Variants in EYS observed in about 807,000 individuals in gnomAD.
EYS encodes protein eyes shut homolog.
In EYS, 250 loss-of-function variants were observed where a neutral mutation model predicts 282.1. The ratio of observed to expected loss-of-function variants is 0.89; its 90% CI spans 0.80 to 0.98. EYS has a LOEUF of 0.98. Among genes scored for constraint, EYS ranks in the 50% least tolerant of loss-of-function variants. The pLI is 0.00. For synonymous variants in EYS, 1,355 were observed against 1,282.9 expected, an observed-to-expected ratio of 1.06 and a Z score of -1.20; for missense variants, 4,016 against 3,709.0, an observed-to-expected ratio of 1.08 and a Z score of -2.15.
rs1051422768 is a variant in EYS at position 64,590,987 on chromosome 6, G to A, written c.4880C>T (p.Pro1627Leu). The A allele has an allele frequency of 3.9e-6, 6 of 1,551,144 alleles. No individual in the cohort carries two copies. In the African/African-American group the frequency reaches 8.2e-5, roughly 21 times the overall value. Residue 1627 changes from proline (P) to leucine (L), a missense_variant, in exon 26 of 43, where the codon CCA becomes CTA. Pro to Leu is a moderately conservative substitution (Grantham distance 98). Coordinates refer to ENST00000503581, the MANE Select transcript of EYS (RefSeq NM_001142800.2). ...ACTCTTTTTAGAAGGAAATAAAGAT[G>A]GCACTTCTGTGAATGCCACTGATGG... is the stretch of plus-strand genomic sequence containing the variant. ...ITPSVAFTEV[P>L]SLFPSKKSAK... is the part of the protein sequence containing the mutation.
chr6:64,453,126 C>A (rs1775421869), intron 26 of EYS, among the ~76,000 whole-genome samples: 1 of 152,104 alleles, frequency 6.6e-6, no homozygotes, highest in Non-Finnish European at 1.5e-5. Flanking sequence ...GGGCTAATAT[C>A]CAGAATCTGC....
At chr6:64,072,973 T>C (rs1771644338) in intron 32 of EYS, among the ~76,000 whole-genome samples, 1 of 151,906 alleles carries the variant, frequency 6.6e-6, no homozygotes, top group Non-Finnish European at 1.5e-5. Context: ...AAGATGTATG[T>C]AGTACTATGC....
intron 13 of EYS, among the ~76,000 whole-genome samples, chr6:65,022,133 C>T (rs546762611): frequency 2.3e-4 from 35 of 152,296 alleles, no homozygotes; most frequent in East Asian, 2.1e-3. Context: ...AGCTGCCTAG[C>T]GTCTATCCAT....
chr6:64,132,723 A>G (rs1363768119), intron 31 of EYS, among the ~76,000 whole-genome samples: 1 of 151,842 alleles, frequency 6.6e-6, no homozygotes, highest in African/African-American at 2.4e-5. Flanking sequence ...TATTCAGTAT[A>G]TTCAATACTA....
chr6:63,896,143 C>T (rs1481699688), intron 35 of EYS, among the ~76,000 whole-genome samples: 4 of 152,058 alleles, frequency 2.6e-5, no homozygotes, highest in South Asian at 2.1e-4. Context: ...TTAAATTGTT[C>T]GTATGATTTT....
At chr6:65,576,970 T>C (rs1453063224) in intron 2 of EYS, among the ~76,000 whole-genome samples, 1 of 151,880 alleles carries the variant, frequency 6.6e-6, no homozygotes, top group Non-Finnish European at 1.5e-5. Flanking sequence ...GAATAATTAA[T>C]ATTGTTAAAA....
intron 40 of EYS, among the ~76,000 whole-genome samples, chr6:63,768,178 G>T (rs1248982966): frequency 2.0e-5 from 3 of 151,920 alleles, no homozygotes; most frequent in East Asian, 3.9e-4. Context: ...AAGAATTTAC[G>T]ACTAAGTCCC....
chr6:63,957,527 A>G (rs1185699831), intron 35 of EYS, among the ~76,000 whole-genome samples: 2 of 141,368 alleles, frequency 1.4e-5, no homozygotes, highest in African/African-American at 2.4e-5. Context: ...CTTCTATTAA[A>G]TAATAAAAGC....
intron 21 of EYS, among the ~76,000 whole-genome samples, chr6:64,821,249 G>A (rs1449534564): frequency 6.6e-6 from 1 of 151,960 alleles, no homozygotes; most frequent in Non-Finnish European, 1.5e-5. Context: ...TGTGATATCT[G>A]AATTAATTGA....
chr6:64,696,772 G>C (rs1338729529), intron 22 of EYS, among the ~76,000 whole-genome samples: 1 of 152,138 alleles, frequency 6.6e-6, no homozygotes, highest in Non-Finnish European at 1.5e-5. Context: ...AAGAAATAAT[G>C]TGTTGGGCGA....
chr6:65,251,805 G>T (rs966231511), intron 12 of EYS, among the ~76,000 whole-genome samples: 1 of 151,970 alleles, frequency 6.6e-6, no homozygotes, highest in African/African-American at 2.4e-5. Flanking sequence ...CAAAGAGTGG[G>T]AAAGGAGACT....
intron 33 of EYS, among the ~76,000 whole-genome samples, chr6:64,003,343 T>C (rs1365254795): frequency 6.6e-6 from 1 of 152,130 alleles, no homozygotes; most frequent in East Asian, 1.9e-4. Flanking sequence ...TGTTACTGGG[T>C]ACAAAAATAT....
intron 34 of EYS, among the ~76,000 whole-genome samples, chr6:63,994,702 A>G (rs1337762905): frequency 3.3e-5 from 5 of 151,978 alleles, no homozygotes; most frequent in Non-Finnish European, 7.4e-5. Context: ...CAATTTGTTC[A>G]GCTCTATGAT....
chr6:65,494,759 A>C lies in EYS; in HGVS notation c.652T>G (p.Ser218Ala), dbSNP rs1766179147. The part of the protein sequence containing the change: ...GKYCQELDAC[S>A]FKPCKNNGSC... ...CCATTATTTTTACATGGTTTAAAAGAACATGCATCAAGTTCCTGGCAGTAT... is the reference window on the plus strand; with the variant it reads ...CCATTATTTTTACATGGTTTAAAAGCACATGCATCAAGTTCCTGGCAGTAT... The change falls in exon 4 of 43, where the codon TCT (serine) becomes GCT (alanine). Residue 218 changes from serine (S) to alanine (A), a missense_variant. Coordinates refer to ENST00000503581, the MANE Select transcript of EYS (RefSeq NM_001142800.2). 6.2e-7 allele frequency: 1 copy of C among 1,613,970 alleles called. No individual in the cohort carries two copies. Among genetic ancestry groups the C allele is most frequent in the Non-Finnish European group, 8.5e-7 (1 of 1,179,986 alleles).
At chr6:64,750,028 T>A (rs1280540118) in intron 22 of EYS, among the ~76,000 whole-genome samples, 1 of 152,080 alleles carries the variant, frequency 6.6e-6, no homozygotes, top group Non-Finnish European at 1.5e-5. Context: ...ATTTTGTCAT[T>A]TGGGATTAAT....
At position 63,986,678 on chromosome 6, in the gene EYS, G is replaced by A. The variant is rs770452637; in HGVS notation, c.6835-2075C>T. 3.3e-5 allele frequency among the ~76,000 whole-genome samples: 5 copies of A among 151,744 alleles called. No individual in the cohort carries two copies. The South Asian group carries it at 8.3e-4, about 25-fold the overall frequency. ...ATCCTCAGCAAACTAATGAAGGATCGGAAAACCAAATGCAGCATGATTCTC... is the reference window on the plus strand; with the variant it reads ...ATCCTCAGCAAACTAATGAAGGATCAGAAAACCAAATGCAGCATGATTCTC... On this transcript the variant is annotated intron_variant, in intron 34 of 42. Coordinates refer to ENST00000503581, the MANE Select transcript of EYS (RefSeq NM_001142800.2).
intron 2 of EYS, among the ~76,000 whole-genome samples, chr6:65,531,575 C>T (rs1767770709): frequency 6.6e-6 from 1 of 152,086 alleles, no homozygotes; most frequent in Admixed American, 6.6e-5. Context: ...CACATAGGAG[C>T]CTTTGTTCAG....
At chr6:65,377,509 A>G (rs1765415202) in intron 8 of EYS, among the ~76,000 whole-genome samples, 1 of 152,194 alleles carries the variant, frequency 6.6e-6, no homozygotes, top group African/African-American at 2.4e-5. Context: ...GCAGAAGACA[A>G]GAAATAAGTA....
intron 42 of EYS, among the ~76,000 whole-genome samples, chr6:63,722,239 A>G (rs2149626323): frequency 6.6e-6 from 1 of 152,128 alleles, no homozygotes; most frequent in Non-Finnish European, 1.5e-5. Context: ...CTTCAACAAC[A>G]CTGACTTTGT....
Sources: allele counts gnomAD v4.1 joint callset (sites outside exome capture counted in the v4.1 genomes callset), GRCh38; gene constraint gnomAD v4.1.1; transcripts MANE v1.5; gene names NCBI Gene and HGNC (gene_info 2026-07-23, HGNC 2026-07-21).